The following GPC5 variants were observed in gnomAD, a reference collection of about 807,000 sequenced individuals.
The protein encoded by GPC5 is glypican 5.
In GPC5, 47 loss-of-function variants were observed where a neutral mutation model predicts 53.9. The ratio of observed to expected loss-of-function variants is 0.87; its 90% CI spans 0.69 to 1.11. The LOEUF (loss-of-function observed/expected upper bound fraction) is 1.11, where lower values mean the gene tolerates loss of function less well. GPC5 is among the 50% of genes most tolerant of loss of function. The pLI is 0.00. For missense variants in GPC5, 748 were observed against 713.1 expected (o/e 1.05, Z -0.56); for synonymous variants, 286 against 263.3 (o/e 1.09, Z -0.84).
rs543997775 is a variant in GPC5, at chr13:92,085,910, G to A, written c.1402-58920G>A. On this transcript the variant is annotated intron_variant, in intron 6 of 7. Coordinates refer to ENST00000377067, the MANE Select transcript of GPC5 (RefSeq NM_004466.6). ...CAGCCATAAATACAGATGAAGCTTC[G>A]CTCACTCAGCCGCCACTCACCCCGT... Among the ~76,000 whole-genome samples, 64 of 152,240 alleles carry A rather than the reference G, an allele frequency of 4.2e-4. No homozygotes were observed. In the South Asian group the frequency reaches 0.012, roughly 30 times the overall value.
chr13:91,775,570 T>C (rs1044672616), intron 5 of GPC5, among the ~76,000 whole-genome samples: 1 of 152,220 alleles, frequency 6.6e-6, no homozygotes, highest in Non-Finnish European at 1.5e-5. Flanking sequence ...CATCCAGGCA[T>C]ACAAAATGCC....
At chr13:92,520,080 A>G (rs1880974833) in intron 7 of GPC5, among the ~76,000 whole-genome samples, 2 of 152,214 alleles carry the variant, frequency 1.3e-5, no homozygotes, top group African/African-American at 4.8e-5. Context: ...CTAAACCAGT[A>G]AGAAGTTGAA....
At chr13:91,471,260 T>C (rs1882606408) in intron 2 of GPC5, among the ~76,000 whole-genome samples, 1 of 152,088 alleles carries the variant, frequency 6.6e-6, no homozygotes, top group Non-Finnish European at 1.5e-5. Context: ...CACTTTGAGT[T>C]GCCTCTTTTC....
intron 6 of GPC5, among the ~76,000 whole-genome samples, chr13:92,037,948 G>A (rs570617258): frequency 1.4e-3 from 217 of 152,130 alleles, no homozygotes; most frequent in Non-Finnish European, 2.5e-3. Context: ...AAAAATGATC[G>A]TTCTGGCTGC....
At chr13:91,921,778 T>A (rs1321468753) in intron 6 of GPC5, among the ~76,000 whole-genome samples, 9 of 109,794 alleles carry the variant, frequency 8.2e-5, no homozygotes, top group African/African-American at 2.8e-4. Flanking sequence ...AGACTGCCTT[T>A]AAAAAAAAAA....
chr13:92,809,225 C>G (rs183529853), intron 7 of GPC5, among the ~76,000 whole-genome samples: 1 of 152,176 alleles, frequency 6.6e-6, no homozygotes, highest in East Asian at 1.9e-4. Context: ...TGGTATTATG[C>G]TGATGAAAAC....
intron 1 of GPC5, among the ~76,000 whole-genome samples, chr13:91,448,246 ATGT>A (rs1566406905): frequency 6.6e-6 from 1 of 152,220 alleles, no homozygotes; most frequent in East Asian, 1.9e-4. Context: ...ATCTCCCAGC[ATGT>A]CATTATTGCA....
At chr13:92,210,267 C>T (rs559896017) in intron 7 of GPC5, among the ~76,000 whole-genome samples, 162 of 152,076 alleles carry the variant, frequency 1.1e-3, no homozygotes, top group African/African-American at 3.7e-3. Context: ...TTTCTAGTAC[C>T]GTAAAGACTC....
chr13:92,091,763 GA>G (rs758069084), intron 6 of GPC5, among the ~76,000 whole-genome samples: 15,770 of 85,974 alleles, frequency 0.18, 937 homozygotes, highest in Admixed American at 0.27. Context: ...CCCCCACAGT[GA>G]AAAAAAAAAA....
At chr13:91,538,244 A>G (rs865993003) in intron 2 of GPC5, among the ~76,000 whole-genome samples, 1 of 152,202 alleles carries the variant, frequency 6.6e-6, no homozygotes, top group Non-Finnish European at 1.5e-5. Flanking sequence ...GGAGCTGTAC[A>G]TTTTTGGATA....
intron 6 of GPC5, among the ~76,000 whole-genome samples, chr13:91,924,601 C>T (rs1015837769): frequency 4.6e-5 from 7 of 151,626 alleles, no homozygotes; most frequent in South Asian, 2.1e-4. Flanking sequence ...ATTAGCTGGG[C>T]GTGGTGGTGG....
chr13:91,550,757 G>C (rs1231612613), intron 2 of GPC5, among the ~76,000 whole-genome samples: 1 of 152,024 alleles, frequency 6.6e-6, no homozygotes, highest in East Asian at 1.9e-4. Context: ...ACATGTCAAG[G>C]GTGGGGCCAG....
intron 7 of GPC5, among the ~76,000 whole-genome samples, chr13:92,580,983 A>G (rs1440862821): frequency 2.6e-5 from 4 of 152,192 alleles, no homozygotes; most frequent in Non-Finnish European, 5.9e-5. Flanking sequence ...TATATTGTAC[A>G]ATATGTTTTT....
At position 92,490,260 on chromosome 13, in the gene GPC5, C is replaced by T. The variant is rs563593150; in HGVS notation, c.1561+345271C>T. The T allele has an allele frequency of 2.6e-5, 4 of 154,344 alleles. No individual in the cohort carries two copies. The East Asian group carries it at 7.7e-4, about 30-fold the overall frequency. 9.6% of individuals were successfully genotyped at this position (154,344 alleles called of 1,614,324 possible). ...AAGCAATCTCATTATCGTCTAGATT[C>T]TGCCACTTTTCATTGTATTATTATA... On this transcript the variant is annotated intron_variant, in intron 7 of 7. Coordinates refer to ENST00000377067, the MANE Select transcript of GPC5 (RefSeq NM_004466.6).
intron 7 of GPC5, among the ~76,000 whole-genome samples, chr13:92,627,663 A>G (rs2139125471): frequency 6.6e-6 from 1 of 152,352 alleles, no homozygotes; most frequent in South Asian, 2.1e-4. Context: ...TTGGAATTAT[A>G]CGAAAGGTTT....
intron 6 of GPC5, among the ~76,000 whole-genome samples, chr13:91,998,923 CA>C (rs1297726642): frequency 6.6e-6 from 1 of 152,184 alleles, no homozygotes; most frequent in Non-Finnish European, 1.5e-5. Context: ...GACCTAATAG[CA>C]CTGAATAGTT....
At chr13:92,543,971 G>T (rs758071097) in intron 7 of GPC5, among the ~76,000 whole-genome samples, 24 of 151,144 alleles carry the variant, frequency 1.6e-4, no homozygotes, top group African/African-American at 2.2e-4. Flanking sequence ...GCTTTGTTTT[G>T]CTTGTTGTTT....
chr13:91,658,059 T>C (rs1423703822), intron 2 of GPC5, among the ~76,000 whole-genome samples: 2 of 152,142 alleles, frequency 1.3e-5, no homozygotes, highest in African/African-American at 4.8e-5. Context: ...GAATTTCCTC[T>C]TTACAAAATA....
intron 7 of GPC5, among the ~76,000 whole-genome samples, chr13:92,416,415 T>A (rs1158544876): frequency 6.6e-6 from 1 of 152,208 alleles, no homozygotes; most frequent in Non-Finnish European, 1.5e-5. Context: ...TGAGAATTGA[T>A]GCTTCAATTT....
Sources: allele counts gnomAD v4.1 joint callset (sites outside exome capture counted in the v4.1 genomes callset), GRCh38; gene constraint gnomAD v4.1.1; transcripts MANE v1.5; gene names NCBI Gene and HGNC (gene_info 2026-07-23, HGNC 2026-07-21).